PAMR1: variants seen among roughly 807,000 people sequenced by gnomAD.
The protein encoded by PAMR1 is peptidase domain containing associated with muscle regeneration 1.
PAMR1 carries 88 observed loss-of-function variants against 81.8 expected under a neutral mutation model. The observed-to-expected ratio is 1.08, with a 90% CI of 0.91 to 1.28. The LOEUF (loss-of-function observed/expected upper bound fraction) is 1.28. Among genes scored for constraint, PAMR1 ranks in the 50% most tolerant of loss-of-function variants. The pLI is 0.00. For synonymous variants in PAMR1, 336 were observed against 345.3 expected (o/e 0.97, Z 0.30); for missense variants, 935 against 919.7 (o/e 1.02, Z -0.21).
intron 1 of PAMR1, among the ~76,000 whole-genome samples, chr11:35,501,726 C>A (rs1850848325): frequency 6.6e-6 from 1 of 152,092 alleles, no homozygotes; most frequent in Admixed American, 6.5e-5. Flanking sequence ...AACATGATAA[C>A]CTTCAGTTCT....
intron 1 of PAMR1, among the ~76,000 whole-genome samples, chr11:35,494,994 T>G (rs562606725): frequency 2.4e-5 from 3 of 123,832 alleles, no homozygotes; most frequent in African/African-American, 7.6e-5. Flanking sequence ...TGTTTACGAC[T>G]ACATAGGTTG....
chr11:35,472,049 C>T (rs1214175974), intron 4 of PAMR1, among the ~76,000 whole-genome samples: 1 of 152,128 alleles, frequency 6.6e-6, no homozygotes, highest in Non-Finnish European at 1.5e-5. Flanking sequence ...CAAAGAAATC[C>T]AATAACCGAG....
intron 6 of PAMR1, chr11:35,451,958 GT>G (rs1209464083): frequency 1.5e-6 from 1 of 681,264 alleles, no homozygotes; most frequent in East Asian, 2.8e-5. Flanking sequence ...ATAAATGTTT[GT>G]TGTTTAAGTC....
intron 3 of PAMR1, among the ~76,000 whole-genome samples, chr11:35,482,195 C>G (rs1211633765): frequency 6.6e-6 from 1 of 152,118 alleles, no homozygotes; most frequent in Non-Finnish European, 1.5e-5. Flanking sequence ...TTTAATCCAC[C>G]TTGAGTTAAT....
At chr11:35,449,443 C>T (rs974610745) in intron 6 of PAMR1, among the ~76,000 whole-genome samples, 3 of 152,202 alleles carry the variant, frequency 2.0e-5, no homozygotes, top group Non-Finnish European at 4.4e-5. Flanking sequence ...AAGGGAGGTG[C>T]CACCCAGTGA....
At chr11:35,524,460 C>T (rs1851347095) in intron 1 of PAMR1, among the ~76,000 whole-genome samples, 1 of 152,128 alleles carries the variant, frequency 6.6e-6, no homozygotes, top group Non-Finnish European at 1.5e-5. Flanking sequence ...TAGTATCCTC[C>T]CCACCCGACC....
chr11:35,469,676 C>G (rs902821172), intron 5 of PAMR1, among the ~76,000 whole-genome samples: 6 of 152,234 alleles, frequency 3.9e-5, no homozygotes, highest in Non-Finnish European at 5.9e-5. Flanking sequence ...CCTTGCTGAA[C>G]AGACAGGACT....
intron 7 of PAMR1, among the ~76,000 whole-genome samples, chr11:35,440,055 C>A (rs145610488): frequency 1.3e-5 from 2 of 152,258 alleles, no homozygotes; most frequent in African/African-American, 4.8e-5. Flanking sequence ...AAAACATAGC[C>A]CACATGGGGA....
intron 1 of PAMR1, among the ~76,000 whole-genome samples, chr11:35,503,434 AGTATT>A (rs1850892021): frequency 6.6e-6 from 1 of 152,024 alleles, no homozygotes; most frequent in Non-Finnish European, 1.5e-5. Context: ...TGCTTTGAGT[AGTATT>A]GCTTTGAGTA....
At chr11:35,525,374 A>AC (rs372899117) in intron 1 of PAMR1, 139 bp downstream of exon 1, 22 of 646,172 alleles carry the variant, frequency 3.4e-5, no homozygotes, top group Middle Eastern at 3.1e-4. Context: ...GAAAAGCACC[A>AC]CCCCCCCTCA....
At chr11:35,454,271 T>C (rs548018730) in intron 6 of PAMR1, among the ~76,000 whole-genome samples, 9 of 152,242 alleles carry the variant, frequency 5.9e-5, no homozygotes, top group African/African-American at 2.2e-4. Context: ...CACCACCCTG[T>C]ACTTCATATG....
intron 1 of PAMR1, among the ~76,000 whole-genome samples, chr11:35,516,214 T>C (rs974712464): frequency 3.3e-5 from 5 of 152,266 alleles, no homozygotes; most frequent in Non-Finnish European, 7.4e-5. Flanking sequence ...AAACCAGCCA[T>C]AAACGACAGA....
chr11:35,432,083 G>A lies in PAMR1; in HGVS notation c.*273C>T, dbSNP rs1190947576. 2.3e-6 allele frequency: 1 copy of A among 431,832 alleles called. No homozygotes were observed. Among genetic ancestry groups the A allele is most frequent in the Non-Finnish European group, 4.2e-6 (1 of 239,152 alleles). 26.8% of individuals were successfully genotyped at this position (431,832 alleles called of 1,614,324 possible). A position where few individuals can be genotyped will look rare whatever the true frequency, so the allele number is the denominator to read the frequency against. On this transcript the variant is annotated 3_prime_UTR_variant, in exon 11 of 11. Coordinates refer to ENST00000619888, the MANE Select transcript of PAMR1 (RefSeq NM_001001991.3). ...TGGGGAAGACCACCAGGTCAGTGGA[G>A]TGGAGAGGTTTTGTATATGGTCTTC...
chr11:35,434,621 A>T lies in PAMR1; in HGVS notation c.1517T>A (p.Val506Asp), dbSNP rs1855993808. 10 of 1,614,068 alleles carry T rather than the reference A, an allele frequency of 6.2e-6. No individual in the cohort carries two copies. The highest frequency in any genetic ancestry group is 8.5e-6 in the Non-Finnish European group (10 of 1,179,988). ...CATGGTGACCTTCCCCAGGTCAGTA[A>T]CACAGTGGGCAGCCACCACCACAGT... Reference protein sequence around the residue: ...ERTVVVAAHCVTDLGKVTMIK... With the variant: ...ERTVVVAAHCDTDLGKVTMIK... The change falls in exon 10 of 11, where the codon GTT becomes GAT. Residue 506 changes from valine (V) to aspartate (D), a missense_variant. Physicochemically the swap from Val to Asp is radical, Grantham distance 152 (BLOSUM62 -3). Coordinates refer to ENST00000619888, the MANE Select transcript of PAMR1 (RefSeq NM_001001991.3).
intron 6 of PAMR1, among the ~76,000 whole-genome samples, chr11:35,463,665 A>G (rs1555035417): frequency 6.6e-6 from 1 of 152,166 alleles, no homozygotes; most frequent in Non-Finnish European, 1.5e-5. Context: ...GCTTGGCCTC[A>G]AGGCGGAGGA....
At chr11:35,519,102 G>A (rs570931116) in intron 1 of PAMR1, among the ~76,000 whole-genome samples, 1 of 152,326 alleles carries the variant, frequency 6.6e-6, no homozygotes, top group South Asian at 2.1e-4. Flanking sequence ...ACCAGAGAGA[G>A]AAGAGTGAGA....
rs1447936942 is a variant in PAMR1, at chr11:35,474,611, T to C, written c.494+19A>G. ...TCCTTATAACCTCAGACTCCTGACTTCTGGCCCCAGCTCCTTACCTTAGTT... is the reference window on the plus strand; with the variant it reads ...TCCTTATAACCTCAGACTCCTGACTCCTGGCCCCAGCTCCTTACCTTAGTT... On this transcript the variant is annotated intron_variant, in intron 4 of 10. Transcript: ENST00000619888. 2.1e-6 allele frequency: 3 copies of C among 1,444,730 alleles called. No individual in the cohort carries two copies. Among genetic ancestry groups the C allele is most frequent in the Admixed American group, 1.9e-5 (1 of 51,286 alleles). 89.5% of individuals were successfully genotyped at this position (1,444,730 alleles called of 1,614,324 possible). A position where few individuals can be genotyped will look rare whatever the true frequency, so the allele number is the denominator to read the frequency against.
intron 3 of PAMR1, among the ~76,000 whole-genome samples, chr11:35,487,539 C>G (rs188250068): frequency 1.3e-5 from 2 of 152,296 alleles, no homozygotes; most frequent in Admixed American, 1.3e-4. Context: ...CATCACCTCC[C>G]TAGGAACTCT....
chr11:35,517,214 G>C (rs1169404102), intron 1 of PAMR1, among the ~76,000 whole-genome samples: 1 of 152,186 alleles, frequency 6.6e-6, no homozygotes, highest in African/African-American at 2.4e-5. Flanking sequence ...TACAGGAAAT[G>C]AGTTTTCTCC....
Sources: gnomAD v4.1 joint callset for allele counts (sites outside exome capture counted in the v4.1 genomes callset) on GRCh38, gnomAD v4.1.1 for gene constraint, MANE v1.5 for transcripts, NCBI Gene and HGNC (gene_info 2026-07-23, HGNC 2026-07-21) for gene names.